SLC15A1: variants seen among roughly 807,000 people sequenced by gnomAD.
SLC15A1 encodes solute carrier family 15 member 1.
In SLC15A1, 83 loss-of-function variants were observed where a neutral mutation model predicts 92.9. That is an observed-to-expected ratio of 0.89 (90% confidence interval 0.75 to 1.07). SLC15A1 has a LOEUF of 1.07. SLC15A1 is among the 50% of genes least tolerant of loss of function. The pLI, the probability that SLC15A1 is intolerant of heterozygous loss-of-function variation, is 0.00. For synonymous variants in SLC15A1, 322 were observed against 318.2 expected, an observed-to-expected ratio of 1.01 and a Z score of -0.13; for missense variants, 857 against 880.1, an observed-to-expected ratio of 0.97 and a Z score of 0.33.
intron 18 of SLC15A1, among the ~76,000 whole-genome samples, chr13:98,691,318 C>T (rs1470162339): frequency 2.0e-5 from 3 of 152,208 alleles, no homozygotes; most frequent in Non-Finnish European, 4.4e-5. Context: ...GGATTACAGG[C>T]GTGAGCCATC....
At chr13:98,706,362 C>T (rs1395297069) in intron 15 of SLC15A1, 109 bp from the exon 16 acceptor site, 4 of 1,242,468 alleles carry the variant, frequency 3.2e-6, no homozygotes, top group Non-Finnish European at 4.5e-6. Context: ...GCTGCGCTGG[C>T]TGAAACACGC....
chr13:98,707,536 T>C (rs971771166), intron 15 of SLC15A1, among the ~76,000 whole-genome samples: 2 of 152,104 alleles, frequency 1.3e-5, no homozygotes, highest in Admixed American at 1.3e-4. Context: ...AATTTCAGTT[T>C]TGTAAGATGA....
chr13:98,707,516 A>G (rs1490146122), intron 15 of SLC15A1, among the ~76,000 whole-genome samples: 1 of 152,218 alleles, frequency 6.6e-6, no homozygotes, highest in East Asian at 1.9e-4. Flanking sequence ...GAGTTGTTTA[A>G]TGGGTACAGA....
chr13:98,708,632 C>G, intron 15 of SLC15A1, 54 bp downstream of exon 15: 1 of 1,465,850 alleles, frequency 6.8e-7, no homozygotes, highest in Non-Finnish European at 9.4e-7. Context: ...AGATTCTGAA[C>G]GCTCCACCTA....
intron 1 of SLC15A1, among the ~76,000 whole-genome samples, chr13:98,747,872 T>C (rs2088507329): frequency 6.6e-6 from 1 of 151,994 alleles, no homozygotes; most frequent in South Asian, 2.1e-4. Context: ...CAGAGCAGAC[T>C]GCATCTCAAA....
At chr13:98,720,507 A>G (rs949845374) in intron 7 of SLC15A1, 1 of 153,008 alleles carries the variant, frequency 6.5e-6, no homozygotes, top group African/African-American at 2.4e-5. Flanking sequence ...TCAAACCACT[A>G]TGCTGTGGAA....
chr13:98,740,732 G>A (rs917174469), intron 1 of SLC15A1, among the ~76,000 whole-genome samples: 1 of 152,120 alleles, frequency 6.6e-6, no homozygotes, highest in Non-Finnish European at 1.5e-5. Flanking sequence ...AAGCAGCAGT[G>A]GGACCTGCAC....
chr13:98,742,736 T>C (rs1018916888), intron 1 of SLC15A1, among the ~76,000 whole-genome samples: 3 of 152,174 alleles, frequency 2.0e-5, no homozygotes, highest in Admixed American at 6.5e-5. Flanking sequence ...TTGCCCTGTG[T>C]ATGAGTCTAT....
At chr13:98,730,863 C>T (rs1173305110) in intron 1 of SLC15A1, among the ~76,000 whole-genome samples, 2 of 152,244 alleles carry the variant, frequency 1.3e-5, no homozygotes, top group African/African-American at 2.4e-5. Context: ...CCAGGCTGAC[C>T]TGCAAGGAGC....
At chr13:98,731,563 A>AACCCAAATC (rs906412319) in intron 1 of SLC15A1, among the ~76,000 whole-genome samples, 1 of 151,810 alleles carries the variant, frequency 6.6e-6, no homozygotes, top group Admixed American at 6.6e-5. Flanking sequence ...GAGCTCTGAA[A>AACCCAAATC]ACCCAAATCA....
At chr13:98,733,962 GTTTTA>G (rs970002847) in intron 1 of SLC15A1, among the ~76,000 whole-genome samples, 28 of 152,176 alleles carry the variant, frequency 1.8e-4, no homozygotes, top group Non-Finnish European at 4.0e-4. Flanking sequence ...AGATCTGGTC[GTTTTA>G]TTTTATTTTA....
chr13:98,692,824 C>T (rs1194165823), intron 18 of SLC15A1, among the ~76,000 whole-genome samples: 1 of 152,108 alleles, frequency 6.6e-6, no homozygotes, highest in Non-Finnish European at 1.5e-5. Context: ...TGGCTTATTG[C>T]AGCCTCGACC....
In SLC15A1 at chr13:98,735,103, A is replaced by C. The variant is rs561242918; in HGVS notation, c.5-8244T>G. Among the ~76,000 whole-genome samples, 138 of 152,330 alleles carry C rather than the reference A, an allele frequency of 9.1e-4. 1 individual carries two copies. The highest frequency in any genetic ancestry group is 6.8e-4 in the Non-Finnish European group (46 of 68,028). Reference sequence around the variant, plus strand: ...TCCTCAATAAAATAAAATACTGGCAAACCGAATCCAGCAGCACATCAAAAA... The same window carrying C: ...TCCTCAATAAAATAAAATACTGGCACACCGAATCCAGCAGCACATCAAAAA... On this transcript the variant is annotated intron_variant, in intron 1 of 22. Coordinates refer to ENST00000376503, the MANE Select transcript of SLC15A1 (RefSeq NM_005073.4).
At chr13:98,716,434 C>A (rs539145432) in intron 8 of SLC15A1, among the ~76,000 whole-genome samples, 3 of 152,166 alleles carry the variant, frequency 2.0e-5, no homozygotes, top group African/African-American at 7.2e-5. Flanking sequence ...CCAGCCTGAC[C>A]AACATGGTGA....
chr13:98,745,115 A>G (rs1420382665), intron 1 of SLC15A1, among the ~76,000 whole-genome samples: 1 of 152,094 alleles, frequency 6.6e-6, no homozygotes, highest in African/African-American at 2.4e-5. Flanking sequence ...TTAGAACTAG[A>G]GGTAAATCGC....
rs147708266 is a variant in SLC15A1, at chr13:98,724,298, G to A, written c.246-267C>T. On this transcript the variant is annotated intron_variant, in intron 4 of 22. Coordinates refer to ENST00000376503, the MANE Select transcript of SLC15A1 (RefSeq NM_005073.4). ...GCAGGAGGACTGCTTGAGCTCAGGAGTTCGACACCAGCCTGGGCAACATAG... is the reference window on the plus strand; with the variant it reads ...GCAGGAGGACTGCTTGAGCTCAGGAATTCGACACCAGCCTGGGCAACATAG... Among the ~76,000 whole-genome samples the A allele has an allele frequency of 9.4e-3, 1,424 of 152,240 alleles. 13 individuals carry two copies. The highest frequency in any genetic ancestry group is 0.02 in the Middle Eastern group (6 of 294).
At chr13:98,717,159 A>G (rs999864102) in intron 8 of SLC15A1, among the ~76,000 whole-genome samples, 5 of 152,178 alleles carry the variant, frequency 3.3e-5, no homozygotes, top group Admixed American at 6.5e-5. Flanking sequence ...AATTCTACTT[A>G]TTTTTCTCAA....
intron 20 of SLC15A1, 121 bp downstream of exon 20, chr13:98,688,127 C>G (rs1380074211): frequency 1.5e-6 from 1 of 675,444 alleles, no homozygotes; most frequent in Non-Finnish European, 2.5e-6. Context: ...ATTCTAAGCC[C>G]ATTTAAAATA....
intron 21 of SLC15A1, 75 bp from the exon 22 acceptor site, chr13:98,686,372 C>G: frequency 1.0e-6 from 1 of 1,002,052 alleles, no homozygotes; most frequent in East Asian, 2.6e-5. Context: ...CACCGATGGG[C>G]GTTTCGTGAA....
Sources: allele counts gnomAD v4.1 joint callset (sites outside exome capture counted in the v4.1 genomes callset), GRCh38; gene constraint gnomAD v4.1.1; transcripts MANE v1.5; gene names NCBI Gene and HGNC (gene_info 2026-07-23, HGNC 2026-07-21).